The following CLIC2 variants were observed in gnomAD, a reference collection of about 807,000 sequenced individuals.
The protein encoded by CLIC2 is chloride intracellular channel protein 2.
A neutral mutation model predicts 14.8 loss-of-function variants in CLIC2; 9 were observed. The ratio of observed to expected loss-of-function variants is 0.61; its 90% CI spans 0.37 to 1.06. The LOEUF is 1.06. Ranked by LOEUF, CLIC2 falls within the 50% of genes least tolerant of loss-of-function variation. The pLI, the probability that CLIC2 is intolerant of heterozygous loss-of-function variation, is 0.01. For missense variants in CLIC2, 148 were observed against 181.4 expected, an observed-to-expected ratio of 0.82 and a Z score of 1.06; for synonymous variants, 61 against 66.3, an observed-to-expected ratio of 0.92 and a Z score of 0.39.
intron 1 of CLIC2, among the ~76,000 whole-genome samples, chrX:155,320,052 G>C (rs781836948): frequency 7.1e-5 from 8 of 112,447 alleles, no homozygotes; most frequent in Non-Finnish European, 1.1e-4. Context: ...AAAGGCAGCA[G>C]CCCCAGTCAG....
At chrX:155,323,050 AC>A (rs1183769136) in intron 1 of CLIC2, among the ~76,000 whole-genome samples, 4 of 112,318 alleles carry the variant, frequency 3.6e-5, no homozygotes, top group Admixed American at 2.8e-4. Context: ...CAGTTTACCA[AC>A]CAAAAAAGCA....
At position 155,277,680 on chromosome X, in the gene CLIC2, G is replaced by A; in HGVS notation, c.*223C>T. ...GCTTTCCATGTCATTCAGGATTGCA[G>A]TGGTTTGCCATACAGATAAAGAAAA... On this transcript the variant is annotated 3_prime_UTR_variant, in exon 6 of 6. Coordinates refer to ENST00000369449, the MANE Select transcript of CLIC2 (RefSeq NM_001289.6). The A allele has an allele frequency of 2.7e-6, 1 of 370,225 alleles. No individual in the cohort carries two copies. The highest frequency in any genetic ancestry group is 4.8e-5 in the East Asian group (1 of 20,815). The allele number at this position is 370,225 out of a possible 1,213,427, so 30.5% of individuals were successfully genotyped here.
chrX:155,277,248 A>C lies in CLIC2; in HGVS notation c.*655T>G, dbSNP rs782298468. On this transcript the variant is annotated 3_prime_UTR_variant, in exon 6 of 6. Transcript: ENST00000369449. ...CTTTGTTTCTTATATTGTTTTTTAA[A>C]ATTATGTTTTATTTAATGAGTGCTT... 12 of 111,670 alleles carry C rather than the reference A, an allele frequency of 1.1e-4. No individual in the cohort carries two copies. Among genetic ancestry groups the C allele is most frequent in the Admixed American group, 9.5e-4 (10 of 10,488 alleles). 9.2% of individuals were successfully genotyped at this position (111,670 alleles called of 1,213,427 possible).
intron 1 of CLIC2, among the ~76,000 whole-genome samples, chrX:155,301,411 T>C (rs1557319070): frequency 1.8e-5 from 2 of 111,171 alleles, no homozygotes; most frequent in African/African-American, 3.3e-5. Flanking sequence ...ATGCCTGTGA[T>C]TTTTGCACAT....
intron 1 of CLIC2, among the ~76,000 whole-genome samples, chrX:155,305,346 A>G (rs782820673): frequency 7.4e-4 from 83 of 112,199 alleles, no homozygotes; most frequent in Middle Eastern, 4.6e-3. Context: ...TCCAGGTGCC[A>G]TCTGTCACCC....
intron 1 of CLIC2, 140 bp from the exon 2 acceptor site, chrX:155,299,285 G>A (rs1395709470): frequency 4.2e-6 from 2 of 477,916 alleles, no homozygotes; most frequent in Non-Finnish European, 3.7e-6. Context: ...TGGACAGAGA[G>A]ATATAGGGAA....
chrX:155,311,289 C>T (rs1557320551), intron 1 of CLIC2, among the ~76,000 whole-genome samples: 1 of 111,876 alleles, frequency 8.9e-6, no homozygotes, highest in East Asian at 2.8e-4. Context: ...CTCTTGAATG[C>T]TTTGCTGCTT....
In CLIC2 at chrX:155,297,884, A is replaced by AAAAAAAAAAG. The variant is rs1557318527; in HGVS notation, c.293+900_293+901insCTTTTTTTTT. On this transcript the variant is annotated intron_variant, in intron 3 of 5. Transcript: ENST00000369449. ...TCAAAAAAAAAAAAAAAAAAAAAAA[A>AAAAAAAAAAG]AAGAAGGTGAACCATCAGAGAGACA... Among the ~76,000 whole-genome samples, 7 of 45,226 alleles carry AAAAAAAAAAG rather than the reference A, an allele frequency of 1.5e-4. 2 individuals are homozygous for AAAAAAAAAAG. The highest frequency in any genetic ancestry group is 3.2e-4 in the Admixed American group (1 of 3,126). 39.3% of individuals were successfully genotyped at this position (45,226 alleles called of 115,157 possible). A position where few individuals can be genotyped will look rare whatever the true frequency, so the allele number is the denominator to read the frequency against.
intron 1 of CLIC2, among the ~76,000 whole-genome samples, chrX:155,309,250 G>T (rs1380404210): frequency 8.9e-6 from 1 of 111,910 alleles, no homozygotes; most frequent in Non-Finnish European, 1.9e-5. Context: ...AGGTTGAAGG[G>T]AGCTAAGATT....
intron 3 of CLIC2, chrX:155,291,015 A>G: frequency 2.8e-6 from 2 of 718,780 alleles, no homozygotes; most frequent in Non-Finnish European, 2.2e-6. Flanking sequence ...TGTTCCAAAT[A>G]CTTCATCTTT....
At chrX:155,292,257 A>C in intron 3 of CLIC2, 1 of 572,438 alleles carries the variant, frequency 1.7e-6, no homozygotes, top group Non-Finnish European at 3.2e-6. Context: ...TTGTCTCACA[A>C]GGAGAAACTC....
intron 1 of CLIC2, among the ~76,000 whole-genome samples, chrX:155,324,185 T>C (rs1557322044): frequency 8.9e-6 from 1 of 112,522 alleles, no homozygotes. Flanking sequence ...AACCTGCACG[T>C]TGTGCACATG....
At chrX:155,332,719 T>A (rs782169563) in intron 1 of CLIC2, among the ~76,000 whole-genome samples, 1 of 112,302 alleles carries the variant, frequency 8.9e-6, no homozygotes, top group East Asian at 2.8e-4. Flanking sequence ...TGAAAGTTAT[T>A]ATTTAATTCA....
chrX:155,328,116 A>C (rs1482535834), intron 1 of CLIC2, among the ~76,000 whole-genome samples: 8 of 111,315 alleles, frequency 7.2e-5, no homozygotes. Context: ...AAGGATGCCC[A>C]CTTTCACCAC....
At chrX:155,324,806 C>A (rs1489546375) in intron 1 of CLIC2, among the ~76,000 whole-genome samples, 10 of 111,842 alleles carry the variant, frequency 8.9e-5, no homozygotes, top group Non-Finnish European at 1.9e-4. Flanking sequence ...GCAAAAGAAA[C>A]TGTCATCAGA....
At chrX:155,311,100 T>C (rs1317102568) in intron 1 of CLIC2, among the ~76,000 whole-genome samples, 1 of 112,128 alleles carries the variant, frequency 8.9e-6, no homozygotes, top group Non-Finnish European at 1.9e-5. Context: ...ATTTTCCCCA[T>C]TGTCTTGGTG....
chrX:155,304,146 A>C (rs1226269209), intron 1 of CLIC2, among the ~76,000 whole-genome samples: 1 of 108,287 alleles, frequency 9.2e-6, no homozygotes, highest in South Asian at 4.1e-4. Flanking sequence ...AGATTGGGGA[A>C]GTTCTCCTGG....
chrX:155,308,828 C>T (rs1443069656), intron 1 of CLIC2, among the ~76,000 whole-genome samples: 1 of 111,407 alleles, frequency 9.0e-6, no homozygotes, highest in Non-Finnish European at 1.9e-5. Flanking sequence ...ATCCTTCAAA[C>T]ATGGAGAAAT....
chrX:155,330,457 G>A (rs1196436365), intron 1 of CLIC2, among the ~76,000 whole-genome samples: 7 of 111,044 alleles, frequency 6.3e-5, no homozygotes, highest in African/African-American at 2.3e-4. Flanking sequence ...AGACATGTGG[G>A]AAAGGCAAAT....
Sources: gnomAD v4.1 joint callset for allele counts (sites outside exome capture counted in the v4.1 genomes callset) on GRCh38, gnomAD v4.1.1 for gene constraint, MANE v1.5 for transcripts, NCBI Gene and HGNC (gene_info 2026-07-23, HGNC 2026-07-21) for gene names.